DCP1A: variants seen among roughly 807,000 people sequenced by gnomAD.
DCP1A encodes the protein decapping mRNA 1A, also known as mRNA-decapping enzyme 1A.
Under a neutral mutation model 58.0 loss-of-function variants are expected in DCP1A, and 20 were observed. The observed-to-expected ratio is 0.34, with a 90% CI of 0.24 to 0.50. The LOEUF is 0.50. DCP1A is among the 20% of genes least tolerant of loss of function. The pLI is 0.98. For missense variants in DCP1A, 613 were observed against 712.2 expected (o/e 0.86, Z 1.59); for synonymous variants, 285 against 275.1 (o/e 1.04, Z -0.36).
chr3:53,291,752 G>C (rs1553686004), intron 7 of DCP1A, among the ~76,000 whole-genome samples: 1 of 152,136 alleles, frequency 6.6e-6, no homozygotes, highest in Non-Finnish European at 1.5e-5. Context: ...GGCACTCTAG[G>C]AGACTGCCGT....
chr3:53,287,778 CA>C, intron 9 of DCP1A, 118 bp from the exon 10 acceptor site: 1 of 731,154 alleles, frequency 1.4e-6, no homozygotes, highest in Non-Finnish European at 2.4e-6. Flanking sequence ...CTGATAATCC[CA>C]CCACCCAGAG....
intron 3 of DCP1A, among the ~76,000 whole-genome samples, chr3:53,321,850 AAGTT>A (rs1461180061): frequency 2.0e-5 from 3 of 152,208 alleles, no homozygotes; most frequent in South Asian, 2.1e-4. Context: ...TAGAAACAAA[AAGTT>A]AGTGAGCTTC....
At chr3:53,331,232 T>C (rs1259056742) in intron 3 of DCP1A, among the ~76,000 whole-genome samples, 1 of 152,180 alleles carries the variant, frequency 6.6e-6, no homozygotes, top group African/African-American at 2.4e-5. Context: ...AGCCTGATGG[T>C]ACCACAAACC....
intron 3 of DCP1A, among the ~76,000 whole-genome samples, chr3:53,331,336 C>T (rs184761404): frequency 5.9e-5 from 9 of 152,288 alleles, no homozygotes; most frequent in South Asian, 4.1e-4. Context: ...TTGCAAGTCA[C>T]GTGCCACAAA....
At chr3:53,309,231 C>T (rs1200701965) in intron 5 of DCP1A, among the ~76,000 whole-genome samples, 1 of 151,860 alleles carries the variant, frequency 6.6e-6, no homozygotes, top group Non-Finnish European at 1.5e-5. Context: ...ATTAGCCGGT[C>T]ATAGTGGTGC....
intron 9 of DCP1A, 62 bp from the exon 10 acceptor site, chr3:53,287,722 C>G: frequency 8.2e-7 from 1 of 1,223,954 alleles, no homozygotes; most frequent in Non-Finnish European, 1.2e-6. Context: ...GATTTTACTT[C>G]CTTGGTAACA....
Position 53,285,921 on chromosome 3 carries a change from A to G in DCP1A, c.*1659T>C, listed in dbSNP as rs1386261433. On this transcript the variant is annotated 3_prime_UTR_variant, in exon 10 of 10. Transcript: ENST00000610213. Reference sequence around the variant, plus strand: ...TACTATCTGTGAAAACAAACTATTCACAATTGAGCATGAAAACTTATAAGC... The same window carrying G: ...TACTATCTGTGAAAACAAACTATTCGCAATTGAGCATGAAAACTTATAAGC... 1 of 152,228 alleles carries G rather than the reference A, an allele frequency of 6.6e-6. No individual in the cohort carries two copies. Among genetic ancestry groups the G allele is most frequent in the African/African-American group, 2.4e-5 (1 of 41,460 alleles). The allele number at this position is 152,228 out of a possible 1,614,324, so 9.4% of individuals were successfully genotyped here.
intron 3 of DCP1A, among the ~76,000 whole-genome samples, chr3:53,321,290 G>C (rs1400593523): frequency 2.0e-5 from 3 of 152,240 alleles, no homozygotes; most frequent in African/African-American, 7.2e-5. Context: ...AAGTGGCAGG[G>C]AGAGACAAGT....
At chr3:53,304,352 C>G in intron 5 of DCP1A, 62 bp from the exon 6 acceptor site, 1 of 1,165,784 alleles carries the variant, frequency 8.6e-7, no homozygotes, top group Non-Finnish European at 1.3e-6. Flanking sequence ...ATTTGGCTCA[C>G]AAAACAGCAT....
intron 6 of DCP1A, among the ~76,000 whole-genome samples, chr3:53,298,048 C>A (rs904982872): frequency 6.6e-6 from 1 of 152,150 alleles, no homozygotes; most frequent in Admixed American, 6.6e-5. Context: ...TGAGACCCTG[C>A]CTCTACAAAA....
intron 9 of DCP1A, 138 bp from the exon 10 acceptor site, chr3:53,287,798 G>A: frequency 1.5e-6 from 1 of 677,770 alleles, no homozygotes; most frequent in Non-Finnish European, 2.5e-6. Flanking sequence ...AGACAATCAT[G>A]ATTAATATTT....
rs1359291495 is a variant in DCP1A at position 53,284,522 on chromosome 3, G to A, written c.*3058C>T. On this transcript the variant is annotated 3_prime_UTR_variant, in exon 10 of 10. Coordinates refer to ENST00000610213, the MANE Select transcript of DCP1A (RefSeq NM_018403.7). ...GTCCCCCTGTAGAGAGGGGCCCAGC[G>A]TGACTTTTTTTTTTTTTTTTTTTTT... is the stretch of plus-strand genomic sequence containing the variant. 5 of 142,410 alleles carry A rather than the reference G, an allele frequency of 3.5e-5. No individual in the cohort carries two copies. Among genetic ancestry groups the A allele is most frequent in the East Asian group, 2.0e-4 (1 of 4,950 alleles). The allele number at this position is 142,410 out of a possible 1,614,324, so 8.8% of individuals were successfully genotyped here. A position where few individuals can be genotyped will look rare whatever the true frequency, so the allele number is the denominator to read the frequency against.
At chr3:53,312,184 C>T (rs1707664748) in intron 5 of DCP1A, 57 bp downstream of exon 5, 1 of 1,502,340 alleles carries the variant, frequency 6.7e-7, no homozygotes, top group Non-Finnish European at 8.9e-7. Context: ...TCCTGCAGAC[C>T]TCCTCCTCCC....
rs1251114132 is a variant in DCP1A, at chr3:53,292,611, G to C, written c.841C>G (p.His281Asp). 8 of 1,613,698 alleles carry C rather than the reference G, an allele frequency of 5.0e-6. No homozygotes were observed. The African/African-American group carries it at 9.3e-5, about 19-fold the overall frequency. ...SETLGVPSAA[H>D]HSVQPEITTP... ...GTGATTTCAGGCTGGACTGAATGGT[G>C]GGCAGCAGAAGGGACACCCAGGGTT... Residue 281 changes from histidine to aspartate, a missense_variant, in exon 7 of 10, where the codon CAC becomes GAC. Physicochemically the swap from His to Asp is moderately conservative, Grantham distance 81 (BLOSUM62 -1). Transcript: ENST00000610213.
chr3:53,325,234 A>G (rs1403543147), intron 3 of DCP1A, among the ~76,000 whole-genome samples: 1 of 152,244 alleles, frequency 6.6e-6, no homozygotes, highest in Non-Finnish European at 1.5e-5. Context: ...TTAATTTGGT[A>G]TCTTCGTAAA....
rs1022517289 is a variant in DCP1A at position 53,338,113 on chromosome 3, C to G, written c.304+4031G>C. 9.1e-6 allele frequency: 4 copies of G among 439,506 alleles called. No individual in the cohort carries two copies. The East Asian group carries it at 2.1e-4, about 23-fold the overall frequency. 27.2% of individuals were successfully genotyped at this position (439,506 alleles called of 1,614,324 possible). On this transcript the variant is annotated intron_variant, in intron 3 of 9. Coordinates refer to ENST00000610213, the MANE Select transcript of DCP1A (RefSeq NM_018403.7). ...TACCTTTGCGAATCTCGAGCAGATT[C>G]CTAAACAGCTCTGAGCCTCTTGTTT...
intron 3 of DCP1A, among the ~76,000 whole-genome samples, chr3:53,333,755 A>G (rs1553691597): frequency 6.6e-6 from 1 of 152,206 alleles, no homozygotes; most frequent in Admixed American, 6.5e-5. Flanking sequence ...TACTAAGTAT[A>G]TATCATTCAA....
At chr3:53,295,896 CTT>C (rs112256781) in intron 6 of DCP1A, among the ~76,000 whole-genome samples, 11 of 144,228 alleles carry the variant, frequency 7.6e-5, no homozygotes, top group Admixed American at 2.1e-4. Context: ...ACCATGTGGT[CTT>C]TTTTTTTTTT....
At chr3:53,335,869 G>T (rs1197602850) in intron 3 of DCP1A, among the ~76,000 whole-genome samples, 1 of 151,932 alleles carries the variant, frequency 6.6e-6, no homozygotes, top group African/African-American at 2.4e-5. Flanking sequence ...CTATCACCCA[G>T]GCTGGAGCGC....
Sources: gnomAD v4.1 joint callset for allele counts (sites outside exome capture counted in the v4.1 genomes callset) on GRCh38, gnomAD v4.1.1 for gene constraint, MANE v1.5 for transcripts, NCBI Gene and HGNC (gene_info 2026-07-23, HGNC 2026-07-21) for gene names.